PRRX1: variants seen among roughly 807,000 people sequenced by gnomAD.
PRRX1 encodes the protein paired related homeobox 1.
Under a neutral mutation model 24.0 loss-of-function variants are expected in PRRX1, and 8 were observed. The observed-to-expected ratio is 0.33, with a 90% confidence interval of 0.20 to 0.60. The LOEUF (loss-of-function observed/expected upper bound fraction) is 0.60, where lower values mean the gene tolerates loss of function less well. Among genes scored for constraint, PRRX1 ranks in the 20% least tolerant of loss-of-function variants. The pLI, the probability that PRRX1 is intolerant of heterozygous loss-of-function variation, is 0.82. For missense variants in PRRX1, 281 were observed against 322.4 expected (o/e 0.87, Z 0.98); for synonymous variants, 160 against 131.7 (o/e 1.22, Z -1.47).
intron 3 of PRRX1, chr1:170,728,944 G>C (rs983550267): frequency 1.1e-4 from 17 of 152,214 alleles, no homozygotes; most frequent in East Asian, 5.8e-4. Context: ...CACTGTTCTT[G>C]TTGGTACTAT....
intron 1 of PRRX1, among the ~76,000 whole-genome samples, chr1:170,701,122 C>A (rs1477724907): frequency 6.6e-6 from 1 of 152,196 alleles, no homozygotes; most frequent in East Asian, 1.9e-4. Context: ...ATTTTTCCAT[C>A]AAAATCTAGT....
chr1:170,711,239 A>C (rs1654738085), intron 1 of PRRX1, among the ~76,000 whole-genome samples: 1 of 152,286 alleles, frequency 6.6e-6, no homozygotes, highest in African/African-American at 2.4e-5. Flanking sequence ...AGCCCTCTTC[A>C]TTTATTCTAT....
intron 1 of PRRX1, among the ~76,000 whole-genome samples, chr1:170,718,705 C>T (rs1654981720): frequency 6.6e-6 from 1 of 150,972 alleles, no homozygotes; most frequent in Non-Finnish European, 1.5e-5. Flanking sequence ...ATCTCTGGGA[C>T]CTACACAGGC....
intron 1 of PRRX1, among the ~76,000 whole-genome samples, chr1:170,702,881 C>T (rs1291801617): frequency 2.6e-5 from 4 of 152,000 alleles, no homozygotes; most frequent in African/African-American, 9.7e-5. Context: ...TAGATCTATG[C>T]AATTATCTTG....
intron 1 of PRRX1, among the ~76,000 whole-genome samples, chr1:170,702,140 C>G (rs751811241): frequency 5.3e-5 from 8 of 152,180 alleles, no homozygotes; most frequent in Non-Finnish European, 1.0e-4. Flanking sequence ...GGTTTCTACT[C>G]GTATAAGAAT....
At chr1:170,668,151 T>G (rs1653015174) in intron 1 of PRRX1, 1 of 152,252 alleles carries the variant, frequency 6.6e-6, no homozygotes, top group Non-Finnish European at 1.5e-5. Context: ...TTTAACATTG[T>G]TTGGGATCCA....
At chr1:170,699,195 T>G (rs1654270956) in intron 1 of PRRX1, among the ~76,000 whole-genome samples, 1 of 152,330 alleles carries the variant, frequency 6.6e-6, no homozygotes, top group South Asian at 2.1e-4. Context: ...GACAGAGCAC[T>G]TTCTATGCAG....
At chr1:170,713,079 C>T (rs758664944) in intron 1 of PRRX1, among the ~76,000 whole-genome samples, 3 of 152,080 alleles carry the variant, frequency 2.0e-5, no homozygotes, top group Non-Finnish European at 4.4e-5. Context: ...TTCATGAATA[C>T]ATTATTGTTA....
At chr1:170,712,321 G>T (rs1654777898) in intron 1 of PRRX1, among the ~76,000 whole-genome samples, 1 of 152,070 alleles carries the variant, frequency 6.6e-6, no homozygotes, top group African/African-American at 2.4e-5. Flanking sequence ...ATATATCCTT[G>T]TGCAATTTTG....
intron 1 of PRRX1, among the ~76,000 whole-genome samples, chr1:170,707,776 A>G (rs562179393): frequency 1.3e-5 from 2 of 152,368 alleles, no homozygotes; most frequent in Non-Finnish European, 2.9e-5. Context: ...ATTAAACACT[A>G]GTATATCCAG....
At chr1:170,685,684 G>A (rs1653706791) in intron 1 of PRRX1, among the ~76,000 whole-genome samples, 1 of 151,346 alleles carries the variant, frequency 6.6e-6, no homozygotes, top group African/African-American at 2.4e-5. Context: ...TTTTAATCAT[G>A]GAGATCTGAA....
intron 1 of PRRX1, among the ~76,000 whole-genome samples, chr1:170,703,525 T>C (rs1250556385): frequency 6.6e-6 from 1 of 152,252 alleles, no homozygotes; most frequent in East Asian, 1.9e-4. Flanking sequence ...TCCTGGAAAG[T>C]ATATAGCAAA....
chr1:170,734,053 G>C (rs1325835857), intron 3 of PRRX1, among the ~76,000 whole-genome samples: 6 of 152,084 alleles, frequency 3.9e-5, no homozygotes, highest in Admixed American at 2.6e-4. Flanking sequence ...AGTCTAAACT[G>C]TACTAATAAC....
chr1:170,719,824 G>T lies in PRRX1; in HGVS notation c.340G>T (p.Glu114Ter). ...SQLQALERVF[E>*]RTHYPDAFVR... ...GCTGCAGGCTTTGGAGCGTGTCTTT[G>T]AGCGGACACACTATCCTGATGCTTT... The change falls in exon 2 of 4, where the codon GAG becomes TAG. Residue 114 changes from glutamate (E) to a stop codon, truncating the protein, a stop_gained. Transcript: ENST00000239461. LOFTEE classifies it high-confidence loss of function. 6.2e-7 allele frequency: 1 copy of T among 1,614,186 alleles called. No homozygotes were observed. The highest frequency in any genetic ancestry group is 1.1e-5 in the South Asian group (1 of 91,082).
At position 170,701,960 on chromosome 1, in the gene PRRX1, C is replaced by T. The variant is rs139682577; in HGVS notation, c.242-17766C>T. 5.6e-3 allele frequency among the ~76,000 whole-genome samples: 847 copies of T among 151,826 alleles called. 10 individuals carry two copies. The highest frequency in any genetic ancestry group is 0.018 in the African/African-American group (729 of 41,352). The stretch of plus-strand genomic sequence containing the variant: ...GAACAACAGTCCCCAACCTTTTTGA[C>T]ACCAGGGACCGGTTTCATGGAAGTC... On this transcript the variant is annotated intron_variant, in intron 1 of 3. Coordinates refer to ENST00000239461, the MANE Select transcript of PRRX1 (RefSeq NM_022716.4).
upstream of PRRX1, chr1:170,663,544 T>C (rs546872661): frequency 6.6e-6 from 1 of 151,974 alleles, no homozygotes; most frequent in East Asian, 1.9e-4. Flanking sequence ...AGAATCCTGC[T>C]CTCTAATACA....
intron 1 of PRRX1, among the ~76,000 whole-genome samples, chr1:170,711,216 T>C (rs1453913542): frequency 6.6e-6 from 1 of 152,244 alleles, no homozygotes; most frequent in East Asian, 1.9e-4. Flanking sequence ...AGAAGAACTT[T>C]GATATCCTTT....
intron 1 of PRRX1, among the ~76,000 whole-genome samples, chr1:170,710,830 A>G (rs1181172104): frequency 6.6e-6 from 1 of 152,188 alleles, no homozygotes; most frequent in African/African-American, 2.4e-5. Flanking sequence ...CAGGCCCTCA[A>G]CAGGAACCCA....
At chr1:170,694,820 C>A (rs1470871246) in intron 1 of PRRX1, among the ~76,000 whole-genome samples, 1 of 152,090 alleles carries the variant, frequency 6.6e-6, no homozygotes, top group East Asian at 1.9e-4. Context: ...CTTGAAGTGG[C>A]CTTATAGATA....
Sources: gnomAD v4.1 joint callset for allele counts (sites outside exome capture counted in the v4.1 genomes callset) on GRCh38, gnomAD v4.1.1 for gene constraint, MANE v1.5 for transcripts, NCBI Gene and HGNC (gene_info 2026-07-23, HGNC 2026-07-21) for gene names.